The following AUH variants were observed in gnomAD, a reference collection of about 807,000 sequenced individuals.
AUH encodes the protein methylglutaconyl-CoA hydratase, mitochondrial.
In AUH, 29 loss-of-function variants were observed where a neutral mutation model predicts 42.3. The ratio of observed to expected loss-of-function variants is 0.69; its 90% CI spans 0.51 to 0.93. The LOEUF (loss-of-function observed/expected upper bound fraction) is 0.93. AUH is among the 40% of genes least tolerant of loss of function. The pLI is 0.00. For missense variants in AUH, 452 were observed against 438.1 expected, an observed-to-expected ratio of 1.03 and a Z score of -0.28; for synonymous variants, 174 against 166.4, an observed-to-expected ratio of 1.05 and a Z score of -0.35.
At chr9:91,233,663 A>G (rs1587656184) in intron 6 of AUH, among the ~76,000 whole-genome samples, 1 of 152,216 alleles carries the variant, frequency 6.6e-6, no homozygotes, top group Non-Finnish European at 1.5e-5. Context: ...TTAGAGGAAA[A>G]AATGAAGATT....
chr9:91,282,291 G>C (rs984062844), intron 6 of AUH, among the ~76,000 whole-genome samples: 1 of 151,714 alleles, frequency 6.6e-6, no homozygotes, highest in Non-Finnish European at 1.5e-5. Flanking sequence ...CTGACCTCTT[G>C]GTTTTAAACT....
chr9:91,361,410 C>T (rs1832841581), intron 1 of AUH, among the ~76,000 whole-genome samples: 1 of 152,180 alleles, frequency 6.6e-6, no homozygotes, highest in African/African-American at 2.4e-5. Flanking sequence ...AGGTAAGCTG[C>T]TCGGGGGTAC....
intron 3 of AUH, among the ~76,000 whole-genome samples, chr9:91,326,189 A>T (rs1829957728): frequency 6.6e-6 from 1 of 152,210 alleles, no homozygotes; most frequent in Non-Finnish European, 1.5e-5. Context: ...GCATACACTC[A>T]GCTATTTACC....
At chr9:91,285,123 T>C (rs1158391149) in intron 6 of AUH, among the ~76,000 whole-genome samples, 1 of 152,168 alleles carries the variant, frequency 6.6e-6, no homozygotes, top group Non-Finnish European at 1.5e-5. Flanking sequence ...TGGAATACTA[T>C]GCAGCCATAA....
At chr9:91,331,779 C>T (rs1234442677) in intron 3 of AUH, among the ~76,000 whole-genome samples, 1 of 152,202 alleles carries the variant, frequency 6.6e-6, no homozygotes, top group African/African-American at 2.4e-5. Flanking sequence ...CAGTAAACTA[C>T]TCCAATGAAC....
chr9:91,267,476 C>A, intron 6 of AUH, among the ~76,000 whole-genome samples: 1 of 152,166 alleles, frequency 6.6e-6, no homozygotes, highest in Non-Finnish European at 1.5e-5. Flanking sequence ...GCTCTAACAG[C>A]CGAGTAGGTT....
intron 4 of AUH, among the ~76,000 whole-genome samples, chr9:91,320,315 T>G (rs1377046078): frequency 6.6e-6 from 1 of 152,192 alleles, no homozygotes; most frequent in African/African-American, 2.4e-5. Context: ...ACTTCTATAC[T>G]TGTGGATGAA....
At chr9:91,261,039 T>C (rs298724) in intron 6 of AUH, among the ~76,000 whole-genome samples, 5,402 of 152,312 alleles carry the variant, frequency 0.035, 144 homozygotes, top group Non-Finnish European at 0.056. Flanking sequence ...AGTTTTTTTC[T>C]TTTAAATCCT....
At chr9:91,324,788 G>C (rs1468111762) in intron 4 of AUH, among the ~76,000 whole-genome samples, 2 of 151,530 alleles carry the variant, frequency 1.3e-5, no homozygotes, top group Non-Finnish European at 2.9e-5. Context: ...AACTGGAACA[G>C]CGATTCCCTG....
At chr9:91,327,877 A>G (rs1830064978) in intron 3 of AUH, among the ~76,000 whole-genome samples, 1 of 152,178 alleles carries the variant, frequency 6.6e-6, no homozygotes, top group African/African-American at 2.4e-5. Flanking sequence ...GGGTGACACC[A>G]CATTCCCCTT....
At chr9:91,303,330 G>A (rs1010243362) in intron 4 of AUH, among the ~76,000 whole-genome samples, 4 of 151,980 alleles carry the variant, frequency 2.6e-5, no homozygotes, top group Non-Finnish European at 2.9e-5. Flanking sequence ...AGTGTCAGAC[G>A]CATGATTTTT....
intron 6 of AUH, among the ~76,000 whole-genome samples, chr9:91,276,288 G>C (rs571546639): frequency 6.6e-6 from 1 of 151,958 alleles, no homozygotes; most frequent in African/African-American, 2.4e-5. Context: ...AACATTAGCC[G>C]GGTGTGGTGG....
chr9:91,325,875 C>T (rs150319000), intron 3 of AUH, among the ~76,000 whole-genome samples: 1 of 152,186 alleles, frequency 6.6e-6, no homozygotes, highest in African/African-American at 2.4e-5. Context: ...CAAATGCCAA[C>T]CCAGTAAAAA....
At chr9:91,314,101 G>A (rs1468298068) in intron 4 of AUH, among the ~76,000 whole-genome samples, 3 of 152,060 alleles carry the variant, frequency 2.0e-5, no homozygotes, top group African/African-American at 7.2e-5. Context: ...TAGGACTGCA[G>A]GCATGAGCCA....
chr9:91,317,766 G>C (rs1003789026), intron 4 of AUH, among the ~76,000 whole-genome samples: 3 of 152,184 alleles, frequency 2.0e-5, no homozygotes, highest in African/African-American at 7.2e-5. Flanking sequence ...TTAAGAAAGA[G>C]ATACCTTTCG....
At chr9:91,247,179 T>G (rs912025266) in intron 6 of AUH, among the ~76,000 whole-genome samples, 17 of 152,148 alleles carry the variant, frequency 1.1e-4, no homozygotes, top group African/African-American at 4.1e-4. Context: ...CTCCGTACAC[T>G]GCATCACCCT....
chr9:91,230,936 G>A (rs1014432975), intron 6 of AUH, among the ~76,000 whole-genome samples: 5 of 152,194 alleles, frequency 3.3e-5, no homozygotes, highest in African/African-American at 9.6e-5. Context: ...TGCCTACTGG[G>A]AGAACCACTG....
chr9:91,267,465 G>C (rs2131483859), intron 6 of AUH, among the ~76,000 whole-genome samples: 1 of 152,240 alleles, frequency 6.6e-6, no homozygotes, highest in South Asian at 2.1e-4. Context: ...CTTGTTTAAT[G>C]GCTCTAACAG....
intron 8 of AUH, 85 bp downstream of exon 8, chr9:91,217,192 A>C (rs1230171658): frequency 7.8e-6 from 11 of 1,409,946 alleles, no homozygotes; most frequent in Non-Finnish European, 1.1e-5. Flanking sequence ...AACTTTAAAA[A>C]AAATGTAGAA....
Sources: allele counts gnomAD v4.1 joint callset (sites outside exome capture counted in the v4.1 genomes callset), GRCh38; gene constraint gnomAD v4.1.1; transcripts MANE v1.5; gene names NCBI Gene and HGNC (gene_info 2026-07-23, HGNC 2026-07-21).